NAA25: variants seen among roughly 807,000 people sequenced by gnomAD.
NAA25 encodes the protein N-alpha-acetyltransferase 25, NatB auxiliary subunit.
Under a neutral mutation model 132.5 loss-of-function variants are expected in NAA25, and 30 were observed. The ratio of observed to expected loss-of-function variants is 0.23; its 90% CI spans 0.17 to 0.31. The LOEUF (loss-of-function observed/expected upper bound fraction) is 0.31. NAA25 is among the 10% of genes least tolerant of loss of function. The probability of loss-of-function intolerance (pLI) is 1.00; values close to 1 mark genes in which losing one functional copy is unlikely to be tolerated. For synonymous variants in NAA25, 359 were observed against 401.9 expected (o/e 0.89, Z 1.28); for missense variants, 771 against 1,150.4 (o/e 0.67, Z 4.77).
intron 13 of NAA25, among the ~76,000 whole-genome samples, chr12:112,059,075 C>CAAAAAAAAAAAAAAAAA (rs530305102): frequency 1.6e-5 from 1 of 63,236 alleles, no homozygotes; most frequent in African/African-American, 4.4e-5. Flanking sequence ...CTCCATCTCA[C>CAAAAAAAAAAAAAAAAA]AAAAAAAAAA....
At chr12:112,078,298 T>C (rs1471276296) in intron 6 of NAA25, 32 bp from the exon 7 acceptor site, 14 of 1,459,398 alleles carry the variant, frequency 9.6e-6, no homozygotes, top group Non-Finnish European at 1.2e-5. Flanking sequence ...GTGCAACCTC[T>C]GAAACTTTTC....
chr12:112,051,551 T>C (rs2078465934), intron 15 of NAA25, among the ~76,000 whole-genome samples: 2 of 152,194 alleles, frequency 1.3e-5, no homozygotes, highest in East Asian at 1.9e-4. Flanking sequence ...TTCAAGATTA[T>C]CTCCTGTCAG....
chr12:112,095,392 G>A (rs2079197257), intron 1 of NAA25, among the ~76,000 whole-genome samples: 2 of 151,542 alleles, frequency 1.3e-5, no homozygotes, highest in East Asian at 3.9e-4. Context: ...AGCTGAGATC[G>A]CGCCACTGCA....
At chr12:112,092,338 TAGTC>T (rs778126268) in intron 2 of NAA25, among the ~76,000 whole-genome samples, 3 of 149,774 alleles carry the variant, frequency 2.0e-5, no homozygotes, top group Non-Finnish European at 4.4e-5. Context: ...AAAACACAAA[TAGTC>T]AGTTGGGCGC....
chr12:112,107,531 C>T (rs1159935174), intron 1 of NAA25, among the ~76,000 whole-genome samples: 2 of 151,626 alleles, frequency 1.3e-5, no homozygotes, highest in Non-Finnish European at 2.9e-5. Flanking sequence ...TAAACCTTAG[C>T]TATAGGATTG....
rs1420391517 is a variant in NAA25 at position 112,043,861 on chromosome 12, A to C, written c.2014T>G (p.Ser672Ala). The change falls in exon 18 of 24, where the codon TCT becomes GCT. Residue 672 changes from serine to alanine, a missense_variant. Ser to Ala is a moderately conservative substitution (Grantham distance 99, BLOSUM62 1). This residue lies in a region of NAA25 where 324 missense variants were observed against 400.0 expected (regional missense o/e 0.81). Transcript: ENST00000261745. ...AAGGAAAGTTTCTTATGTTCTTCAGAAACGTCCCTTAAACAGAAACATCCC... is the reference window on the plus strand; with the variant it reads ...AAGGAAAGTTTCTTATGTTCTTCAGCAACGTCCCTTAAACAGAAACATCCC... ...FSWDPKDRDV[S>A]EEHKKLSLEE... 1.9e-6 allele frequency: 3 copies of C among 1,612,250 alleles called. No homozygotes were observed. The highest frequency in any genetic ancestry group is 2.5e-6 in the Non-Finnish European group (3 of 1,178,546).
intron 17 of NAA25, among the ~76,000 whole-genome samples, chr12:112,045,819 A>G (rs2078373030): frequency 6.6e-6 from 1 of 152,154 alleles, no homozygotes; most frequent in South Asian, 2.1e-4. Flanking sequence ...ACTAAAAATA[A>G]TACTTACACA....
Position 112,043,531 on chromosome 12 carries a change from A to T in NAA25, c.2250+94T>A. The T allele has an allele frequency of 1.4e-6, 2 of 1,408,900 alleles. 1 individual carries two copies. Among genetic ancestry groups the T allele is most frequent in the South Asian group, 2.7e-5 (2 of 75,234 alleles). 87.3% of individuals were successfully genotyped at this position (1,408,900 alleles called of 1,614,324 possible). On this transcript the variant is annotated intron_variant, in intron 18 of 23. Transcript: ENST00000261745. ...AGAAGCCATAAACTGGGACAAAACAATTCCTTACTACTCACCCACCCCAAA... is the reference window on the plus strand; with the variant it reads ...AGAAGCCATAAACTGGGACAAAACATTTCCTTACTACTCACCCACCCCAAA...
At position 112,027,325 on chromosome 12, in the gene NAA25, A is replaced by G. The variant is rs1047578; in HGVS notation, c.*2206T>C. The G allele has an allele frequency of 6.7e-6, 1 of 149,416 alleles. No homozygotes were observed. Among genetic ancestry groups the G allele is most frequent in the Admixed American group, 6.6e-5 (1 of 15,096 alleles). The allele number at this position is 149,416 out of a possible 1,614,324, so 9.3% of individuals were successfully genotyped here. ...CATGTAAGAATATATATATATATAT[A>G]TTTTTTTAACTGTACACAATTTATA... On this transcript the variant is annotated 3_prime_UTR_variant, in exon 24 of 24. Coordinates refer to ENST00000261745, the MANE Select transcript of NAA25 (RefSeq NM_024953.4).
intron 16 of NAA25, 129 bp from the exon 17 acceptor site, chr12:112,047,919 G>C: frequency 9.9e-7 from 1 of 1,007,006 alleles, no homozygotes; most frequent in Non-Finnish European, 1.4e-6. Context: ...AGGTGAAATA[G>C]AACCAAGCGC....
chr12:112,033,450 C>G, intron 22 of NAA25, 71 bp from the exon 23 acceptor site: 1 of 1,388,926 alleles, frequency 7.2e-7, no homozygotes, highest in Non-Finnish European at 9.6e-7. Context: ...ACAAAAGCTA[C>G]TGAAAGATGT....
intron 13 of NAA25, among the ~76,000 whole-genome samples, chr12:112,057,403 A>G (rs1480341219): frequency 2.0e-5 from 3 of 152,210 alleles, no homozygotes; most frequent in Admixed American, 6.5e-5. Context: ...AAGAAAGCCT[A>G]TCTGTGTGGG....
intron 1 of NAA25, among the ~76,000 whole-genome samples, chr12:112,105,482 A>C (rs149778178): frequency 6.6e-6 from 1 of 152,318 alleles, no homozygotes; most frequent in Non-Finnish European, 1.5e-5. Context: ...GCAATACCCA[A>C]ACTTATTAGT....
At chr12:112,073,025 C>T (rs183154461) in intron 9 of NAA25, among the ~76,000 whole-genome samples, 55 of 151,914 alleles carry the variant, frequency 3.6e-4, no homozygotes, top group Non-Finnish European at 6.3e-4. Context: ...CTTGAGCTCA[C>T]GAGTTCAAGA....
intron 1 of NAA25, among the ~76,000 whole-genome samples, chr12:112,107,486 GGCCAAGGCCAGT>G (rs1209415704): frequency 6.6e-5 from 10 of 151,388 alleles, no homozygotes; most frequent in African/African-American, 2.4e-4. Context: ...CCATATAAAA[GGCCAAGGCCAGT>G]GACTGTCATA....
intron 13 of NAA25, 93 bp downstream of exon 13, chr12:112,060,177 T>C (rs1042054274): frequency 7.1e-6 from 6 of 846,646 alleles, no homozygotes; most frequent in African/African-American, 3.5e-5. Context: ...TAAATAAAAT[T>C]TGTGGATTGT....
At chr12:112,076,133 C>G (rs1283024998) in intron 7 of NAA25, among the ~76,000 whole-genome samples, 2 of 152,014 alleles carry the variant, frequency 1.3e-5, no homozygotes, top group Non-Finnish European at 2.9e-5. Context: ...TCCACCCATC[C>G]CAGCCTCCCA....
At chr12:112,047,606 T>TA (rs1365731847) in intron 17 of NAA25, 59 bp downstream of exon 17, 43 of 1,589,698 alleles carry the variant, frequency 2.7e-5, no homozygotes, top group Admixed American at 3.6e-5. Flanking sequence ...TTGGTCTCTT[T>TA]AAAAAAACAA....
intron 1 of NAA25, among the ~76,000 whole-genome samples, chr12:112,104,942 A>G (rs545074678): frequency 1.3e-5 from 2 of 151,396 alleles, no homozygotes; most frequent in East Asian, 3.9e-4. Flanking sequence ...GTTTGAACCC[A>G]GGAGGCAGAG....
Sources: allele counts gnomAD v4.1 joint callset (sites outside exome capture counted in the v4.1 genomes callset), GRCh38; gene constraint gnomAD v4.1.1; regional missense constraint gnomAD v4.1.1; transcripts MANE v1.5; gene names NCBI Gene and HGNC (gene_info 2026-07-23, HGNC 2026-07-21).